Variants in ATP9B observed in about 807,000 individuals in gnomAD.
The protein encoded by ATP9B is probable phospholipid-transporting ATPase IIB.
ATP9B carries 110 observed loss-of-function variants against 146.1 expected under a neutral mutation model. That is an observed-to-expected ratio of 0.75 (90% CI 0.65 to 0.88). ATP9B has a LOEUF of 0.88. ATP9B is among the 40% of genes least tolerant of loss of function. The probability of loss-of-function intolerance (pLI) is 0.00; values close to 1 mark genes in which losing one functional copy is unlikely to be tolerated. For synonymous variants in ATP9B, 604 were observed against 569.7 expected (o/e 1.06, Z -0.86); for missense variants, 1,499 against 1,496.4 (o/e 1.00, Z -0.03).
intron 17 of ATP9B, among the ~76,000 whole-genome samples, chr18:79,331,286 G>A (rs1308297502): frequency 6.6e-6 from 1 of 152,180 alleles, no homozygotes; most frequent in Non-Finnish European, 1.5e-5. Context: ...CTCCTTCGGG[G>A]TGGTTTGATT....
At chr18:79,197,888 G>A (rs917239767) in intron 9 of ATP9B, among the ~76,000 whole-genome samples, 1 of 152,122 alleles carries the variant, frequency 6.6e-6, no homozygotes, top group Non-Finnish European at 1.5e-5. Context: ...TAAAATCTAC[G>A]AGAACGGATT....
At chr18:79,258,422 C>A (rs754392286) in intron 12 of ATP9B, among the ~76,000 whole-genome samples, 7 of 152,100 alleles carry the variant, frequency 4.6e-5, no homozygotes, top group Admixed American at 1.3e-4. Flanking sequence ...AGAGCAAGAG[C>A]CTCTCTCGAA....
chr18:79,086,519 T>C (rs1406398302), intron 1 of ATP9B: 1 of 151,520 alleles, frequency 6.6e-6, no homozygotes, highest in Non-Finnish European at 1.5e-5. Context: ...TACTTATTTT[T>C]TTTTTTACAC....
At chr18:79,354,568 C>CAAAAAA (rs57583229) in intron 25 of ATP9B, 1 of 59,756 alleles carries the variant, frequency 1.7e-5, no homozygotes, top group African/African-American at 7.5e-5. Flanking sequence ...GACCGTGTCT[C>CAAAAAA]AAAAAAAAAA....
intron 9 of ATP9B, chr18:79,194,374 G>A (rs1338774552): frequency 1.3e-5 from 2 of 152,142 alleles, no homozygotes; most frequent in Middle Eastern, 3.4e-3. Context: ...TATTGCTCAT[G>A]ACTTTGAAAA....
At chr18:79,292,110 A>G (rs970827586) in intron 13 of ATP9B, among the ~76,000 whole-genome samples, 1 of 152,228 alleles carries the variant, frequency 6.6e-6, no homozygotes. Flanking sequence ...TCGTGTGGAT[A>G]CACCACACTT....
chr18:79,209,881 T>G (rs2095567958), intron 10 of ATP9B, among the ~76,000 whole-genome samples: 2 of 152,328 alleles, frequency 1.3e-5, no homozygotes, highest in South Asian at 4.1e-4. Flanking sequence ...TTTGAAAGAT[T>G]TTAAGATTTC....
At chr18:79,305,524 TAAAAG>T (rs935282082) in intron 14 of ATP9B, among the ~76,000 whole-genome samples, 4 of 152,130 alleles carry the variant, frequency 2.6e-5, no homozygotes, top group African/African-American at 7.2e-5. Flanking sequence ...AGAAAAATCT[TAAAAG>T]GAGAAGGAAT....
chr18:79,162,064 T>G (rs1399029170), intron 7 of ATP9B, among the ~76,000 whole-genome samples: 1 of 152,246 alleles, frequency 6.6e-6, no homozygotes, highest in Non-Finnish European at 1.5e-5. Flanking sequence ...TTGTATCTAC[T>G]AACAGTTTTA....
intron 26 of ATP9B, among the ~76,000 whole-genome samples, chr18:79,370,606 A>T (rs1401739423): frequency 1.3e-5 from 2 of 152,196 alleles, no homozygotes; most frequent in African/African-American, 2.4e-5. Context: ...GGGAGCCATT[A>T]ATAGGAGGTG....
chr18:79,189,446 C>A (rs2095341607), intron 8 of ATP9B, among the ~76,000 whole-genome samples: 1 of 152,106 alleles, frequency 6.6e-6, no homozygotes, highest in African/African-American at 2.4e-5. Context: ...TTGTATCAAT[C>A]CCCCACGCAG....
chr18:79,246,916 A>G (rs1005400439), intron 11 of ATP9B, among the ~76,000 whole-genome samples: 6 of 152,230 alleles, frequency 3.9e-5, no homozygotes, highest in Admixed American at 3.3e-4. Context: ...ATTAGGAATG[A>G]TGTACATTAG....
chr18:79,321,143 A>C (rs1254265404), intron 15 of ATP9B, among the ~76,000 whole-genome samples: 1 of 152,220 alleles, frequency 6.6e-6, no homozygotes, highest in Non-Finnish European at 1.5e-5. Context: ...CACCTAGTCA[A>C]ATCCCCACAC....
chr18:79,099,090 C>G (rs1202851757), intron 2 of ATP9B, among the ~76,000 whole-genome samples: 2 of 152,218 alleles, frequency 1.3e-5, no homozygotes, highest in African/African-American at 4.8e-5. Flanking sequence ...TTTTCTTTTT[C>G]TAGCTTCATA....
At chr18:79,299,136 A>C (rs2096572892) in intron 13 of ATP9B, among the ~76,000 whole-genome samples, 2 of 144,514 alleles carry the variant, frequency 1.4e-5, no homozygotes, top group African/African-American at 2.6e-5. Flanking sequence ...GACCCCCACC[A>C]CTCTGTCCTT....
At chr18:79,365,705 G>T (rs1163126503) in intron 26 of ATP9B, among the ~76,000 whole-genome samples, 1 of 151,992 alleles carries the variant, frequency 6.6e-6, no homozygotes, top group Non-Finnish European at 1.5e-5. Context: ...CCGCGTGATG[G>T]AAGGACATCT....
intron 2 of ATP9B, among the ~76,000 whole-genome samples, chr18:79,101,150 A>C (rs1030150291): frequency 6.6e-6 from 1 of 151,928 alleles, no homozygotes; most frequent in Non-Finnish European, 1.5e-5. Flanking sequence ...TTGATTTTGT[A>C]ATCACCACTG....
chr18:79,236,606 G>A (rs2095843419), intron 11 of ATP9B, among the ~76,000 whole-genome samples: 2 of 152,176 alleles, frequency 1.3e-5, no homozygotes, highest in Non-Finnish European at 2.9e-5. Flanking sequence ...TTGTATATAA[G>A]AAGAAGTAGG....
chr18:79,274,837 G>A (rs1394002566), intron 12 of ATP9B, among the ~76,000 whole-genome samples: 1 of 152,120 alleles, frequency 6.6e-6, no homozygotes, highest in African/African-American at 2.4e-5. Flanking sequence ...TATTTCAGTG[G>A]TAATTATTAT....
Sources: allele counts gnomAD v4.1 joint callset (sites outside exome capture counted in the v4.1 genomes callset), GRCh38; gene constraint gnomAD v4.1.1; transcripts MANE v1.5; gene names NCBI Gene and HGNC (gene_info 2026-07-23, HGNC 2026-07-21).